CNTNAP2: variants seen among roughly 807,000 people sequenced by gnomAD.
CNTNAP2 encodes contactin associated protein 2.
In CNTNAP2, 98 loss-of-function variants were observed where a neutral mutation model predicts 155.2. The ratio of observed to expected loss-of-function variants is 0.63; its 90% CI spans 0.54 to 0.75. CNTNAP2 has a LOEUF of 0.75. Among genes scored for constraint, CNTNAP2 ranks in the 30% least tolerant of loss-of-function variants. The pLI, the probability that CNTNAP2 is intolerant of heterozygous loss-of-function variation, is 0.00. For missense variants in CNTNAP2, 1,727 were observed against 1,688.1 expected (o/e 1.02, Z -0.40); for synonymous variants, 651 against 631.2 (o/e 1.03, Z -0.47).
chr7:147,279,546 C>T (rs749264228), intron 8 of CNTNAP2, among the ~76,000 whole-genome samples: 8 of 151,716 alleles, frequency 5.3e-5, no homozygotes, highest in Non-Finnish European at 1.0e-4. Context: ...TCTTCAGTAT[C>T]ATCTCATTGT....
intron 1 of CNTNAP2, among the ~76,000 whole-genome samples, chr7:146,325,563 G>A (rs1721757306): frequency 6.6e-6 from 1 of 151,768 alleles, no homozygotes; most frequent in Non-Finnish European, 1.5e-5. Flanking sequence ...AAAACTGAAG[G>A]GGAAAAAGAC....
intron 3 of CNTNAP2, chr7:146,963,234 A>G (rs1364902380): frequency 1.3e-5 from 2 of 152,202 alleles, no homozygotes; most frequent in African/African-American, 2.4e-5. Context: ...TCTAAAATAT[A>G]TCTATTTCTA....
intron 16 of CNTNAP2, among the ~76,000 whole-genome samples, chr7:148,128,159 A>G (rs1412394346): frequency 6.6e-6 from 1 of 152,116 alleles, no homozygotes; most frequent in Non-Finnish European, 1.5e-5. Context: ...GTCAGCCACC[A>G]TGCCGGGCCT....
At position 146,422,502 on chromosome 7, in the gene CNTNAP2, T is replaced by C. The variant is rs530696312; in HGVS notation, c.97+305529T>C. On this transcript the variant is annotated intron_variant, in intron 1 of 23. Transcript: ENST00000361727. ...GTTATCTGGAAGACCACTTTTTTTT[T>C]CCCACTTGACATTTTTCATCTCTAT... Among the ~76,000 whole-genome samples the C allele has an allele frequency of 4.6e-5, 7 of 152,116 alleles. No individual in the cohort carries two copies. The East Asian group carries it at 9.6e-4, about 21-fold the overall frequency.
At chr7:147,248,984 A>G (rs1023787231) in intron 8 of CNTNAP2, among the ~76,000 whole-genome samples, 5 of 152,152 alleles carry the variant, frequency 3.3e-5, no homozygotes, top group African/African-American at 1.2e-4. Flanking sequence ...GAGAAGAAAA[A>G]AAACTTGATA....
rs1357070808 is a variant in CNTNAP2 at position 148,222,495 on chromosome 7, T to TATGAATGGATCATTCCATGAATCG, written c.3247+5019_3247+5042dup. On this transcript the variant is annotated intron_variant, in intron 19 of 23. Coordinates refer to ENST00000361727, the MANE Select transcript of CNTNAP2 (RefSeq NM_014141.6). ...CCATTAACCCATTAATCCATGAATC[T>TATGAATGGATCATTCCATGAATCG]ATGAATGGATCATTCCATGAATCGA... 5.3e-3 allele frequency among the ~76,000 whole-genome samples: 413 copies of TATGAATGGATCATTCCATGAATCG among 78,278 alleles called. 7 individuals are homozygous for TATGAATGGATCATTCCATGAATCG. The highest frequency in any genetic ancestry group is 0.017 in the African/African-American group (347 of 20,984). 51.4% of individuals were successfully genotyped at this position (78,278 alleles called of 152,430 possible). A position where few individuals can be genotyped will look rare whatever the true frequency, so the allele number is the denominator to read the frequency against.
rs138325786 is a variant in CNTNAP2, at chr7:147,268,123, G to C, written c.1349-32018G>C. Among the ~76,000 whole-genome samples, 981 of 152,072 alleles carry C rather than the reference G, an allele frequency of 6.5e-3. 46 individuals are homozygous for C. The highest frequency in any genetic ancestry group is 0.058 in the Admixed American group (886 of 15,272). On this transcript the variant is annotated intron_variant, in intron 8 of 23. Coordinates refer to ENST00000361727, the MANE Select transcript of CNTNAP2 (RefSeq NM_014141.6). ...AAGCATTACAGTCCAAATATTTTTT[G>C]AATTTTTATAAATGGTGTTTAATGC...
chr7:146,296,093 T>G (rs375145169), intron 1 of CNTNAP2, among the ~76,000 whole-genome samples: 2 of 152,106 alleles, frequency 1.3e-5, no homozygotes, highest in Admixed American at 1.3e-4. Flanking sequence ...CTTGTATAGA[T>G]AGGATTCTGA....
intron 13 of CNTNAP2, among the ~76,000 whole-genome samples, chr7:147,841,063 T>C (rs967215120): frequency 6.6e-6 from 1 of 152,146 alleles, no homozygotes; most frequent in Non-Finnish European, 1.5e-5. Context: ...AAAATATTAG[T>C]TTTTAATCAA....
rs1584760084 is a variant in CNTNAP2 at position 147,480,162 on chromosome 7, T to C, written c.1671-5773T>C. 2.6e-5 allele frequency among the ~76,000 whole-genome samples: 4 copies of C among 152,220 alleles called. No homozygotes were observed. In the South Asian group the frequency reaches 8.3e-4, roughly 31 times the overall value. On this transcript the variant is annotated intron_variant, in intron 10 of 23. Transcript: ENST00000361727. Reference sequence around the variant, plus strand: ...TTCAAGGAAGCAAGAATTCTAAATATATTTCTTGTCTTAATAAGCAAAAAT... The same window carrying C: ...TTCAAGGAAGCAAGAATTCTAAATACATTTCTTGTCTTAATAAGCAAAAAT...
chr7:148,331,594 A>ACGGACGGATGGAATGGACGGATGGAG (rs1798014870), intron 21 of CNTNAP2, among the ~76,000 whole-genome samples: 10 of 10,682 alleles, frequency 9.4e-4, no homozygotes, highest in African/African-American at 3.6e-3. Context: ...GATGGATGGA[A>ACGGACGGATGGAATGGACGGATGGAG]TGGATGGATG....
chr7:148,143,228 C>T (rs1279703031), intron 16 of CNTNAP2, among the ~76,000 whole-genome samples: 1 of 152,212 alleles, frequency 6.6e-6, no homozygotes, highest in African/African-American at 2.4e-5. Context: ...CTTTGGACCT[C>T]AAACTGAGGC....
At chr7:146,224,116 A>G in intron 1 of CNTNAP2, among the ~76,000 whole-genome samples, 1 of 152,192 alleles carries the variant, frequency 6.6e-6, no homozygotes, top group East Asian at 1.9e-4. Flanking sequence ...TTTATAGCCA[A>G]AAGCTTTCAC....
intron 13 of CNTNAP2, among the ~76,000 whole-genome samples, chr7:147,688,950 TGC>T (rs2116989054): frequency 6.6e-6 from 1 of 152,238 alleles, no homozygotes; most frequent in South Asian, 2.1e-4. Context: ...CAAAATGCAG[TGC>T]TGGGAATGTT....
At chr7:148,124,442 T>A (rs975283426) in intron 16 of CNTNAP2, among the ~76,000 whole-genome samples, 2 of 152,280 alleles carry the variant, frequency 1.3e-5, no homozygotes, top group South Asian at 2.1e-4. Context: ...CTGCTCTAGA[T>A]CCTTTTTCTG....
intron 3 of CNTNAP2, among the ~76,000 whole-genome samples, chr7:146,863,312 T>A (rs1361234860): frequency 3.3e-5 from 5 of 152,080 alleles, no homozygotes; most frequent in Admixed American, 2.6e-4. Flanking sequence ...TATTAACTAA[T>A]TGTTTGTTTA....
intron 3 of CNTNAP2, among the ~76,000 whole-genome samples, chr7:147,033,173 T>C (rs1296103957): frequency 4.3e-5 from 2 of 47,030 alleles, no homozygotes; most frequent in African/African-American, 1.7e-4. Flanking sequence ...TATATATATA[T>C]ATATATATAT....
chr7:146,797,424 G>C (rs571934115), intron 2 of CNTNAP2, among the ~76,000 whole-genome samples: 1 of 152,270 alleles, frequency 6.6e-6, no homozygotes, highest in African/African-American at 2.4e-5. Context: ...TTGTCTTAGA[G>C]CTATCTGTAA....
At chr7:148,096,604 T>C (rs1357059268) in intron 15 of CNTNAP2, among the ~76,000 whole-genome samples, 1 of 151,592 alleles carries the variant, frequency 6.6e-6, no homozygotes, top group Non-Finnish European at 1.5e-5. Flanking sequence ...TAGGGGTGAA[T>C]AGAGGTAAAG....
Sources: gnomAD v4.1 joint callset for allele counts (sites outside exome capture counted in the v4.1 genomes callset) on GRCh38, gnomAD v4.1.1 for gene constraint, MANE v1.5 for transcripts, NCBI Gene and HGNC (gene_info 2026-07-23, HGNC 2026-07-21) for gene names.